DNAH9: variants seen among roughly 807,000 people sequenced by gnomAD.
DNAH9 encodes dynein axonemal heavy chain 9, also known as DNAH9 variant protein.
In DNAH9, 345 loss-of-function variants were observed where a neutral mutation model predicts 471.6. That is an observed-to-expected ratio of 0.73 (90% CI 0.67 to 0.80). DNAH9 has a LOEUF of 0.80. Among genes scored for constraint, DNAH9 ranks in the 30% least tolerant of loss-of-function variants. The pLI, the probability that DNAH9 is intolerant of heterozygous loss-of-function variation, is 0.00. For missense variants in DNAH9, 5,407 were observed against 5,609.2 expected (o/e 0.96, Z 1.15); for synonymous variants, 2,093 against 2,123.6 (o/e 0.99, Z 0.40).
chr17:11,885,546 C>G (rs913828540), intron 56 of DNAH9, among the ~76,000 whole-genome samples: 9 of 151,988 alleles, frequency 5.9e-5, no homozygotes, highest in African/African-American at 2.2e-4. Flanking sequence ...TTCTTTTCAA[C>G]TCCAGTCTAT....
intron 1 of DNAH9, among the ~76,000 whole-genome samples, chr17:11,605,082 A>G (rs910936091): frequency 2.0e-5 from 3 of 151,992 alleles, no homozygotes; most frequent in African/African-American, 7.3e-5. Flanking sequence ...TTGCTTCCAC[A>G]CTGCTCCTTG....
intron 28 of DNAH9, 28 bp from the exon 29 acceptor site, chr17:11,738,852 A>T: frequency 6.2e-7 from 1 of 1,610,488 alleles, no homozygotes; most frequent in Non-Finnish European, 8.5e-7. Context: ...CAATTGAGGA[A>T]TTTCTCGCTG....
intron 41 of DNAH9, among the ~76,000 whole-genome samples, chr17:11,786,085 GA>G (rs35183367): frequency 4.8e-4 from 72 of 150,314 alleles, no homozygotes; most frequent in African/African-American, 1.7e-3. Flanking sequence ...TTTTTCAAAT[GA>G]AAAAAAAAAG....
intron 28 of DNAH9, among the ~76,000 whole-genome samples, chr17:11,728,491 A>G (rs1215922643): frequency 6.7e-6 from 1 of 149,126 alleles, no homozygotes; most frequent in Admixed American, 6.7e-5. Context: ...AAGACAGGTG[A>G]AGTTTCCCAG....
intron 50 of DNAH9, among the ~76,000 whole-genome samples, chr17:11,856,166 G>A (rs1042869573): frequency 3.3e-5 from 5 of 152,070 alleles, no homozygotes; most frequent in African/African-American, 9.7e-5. Flanking sequence ...ACTCAATCAC[G>A]GCTGTGATCA....
chr17:11,960,361 G>A (rs1051535670), intron 67 of DNAH9, among the ~76,000 whole-genome samples: 32 of 149,282 alleles, frequency 2.1e-4, no homozygotes, highest in African/African-American at 6.4e-4. Context: ...CCTTGAGCTC[G>A]GGAGGCAGAG....
intron 2 of DNAH9, among the ~76,000 whole-genome samples, chr17:11,608,841 G>A (rs2072565782): frequency 6.6e-6 from 1 of 152,062 alleles, no homozygotes; most frequent in Non-Finnish European, 1.5e-5. Context: ...GCTTTGTTGG[G>A]ACCTGGCTTT....
At chr17:11,823,547 A>G (rs569886327) in intron 48 of DNAH9, among the ~76,000 whole-genome samples, 1 of 152,196 alleles carries the variant, frequency 6.6e-6, no homozygotes, top group African/African-American at 2.4e-5. Context: ...TCAAAGAGCC[A>G]TTGGAACCTC....
At chr17:11,853,848 C>T (rs1971522411) in intron 49 of DNAH9, among the ~76,000 whole-genome samples, 155 bp from the exon 50 acceptor site, 1 of 152,146 alleles carries the variant, frequency 6.6e-6, no homozygotes, top group African/African-American at 2.4e-5. Flanking sequence ...CTTTGGTTTC[C>T]TTTTGATGAG....
intron 28 of DNAH9, among the ~76,000 whole-genome samples, chr17:11,728,534 AAAAAAC>A (rs869055066): frequency 1.5e-5 from 1 of 65,604 alleles, no homozygotes. Context: ...CCTAAAAAAA[AAAAAAC>A]AAAAAAAACT....
At chr17:11,808,043 GTGAATGACTTC>G (rs1372377287) in intron 44 of DNAH9, 149 bp downstream of exon 44, 2 of 980,566 alleles carry the variant, frequency 2.0e-6, no homozygotes, top group African/African-American at 3.3e-5. Flanking sequence ...GGCTGGTGAT[GTGAATGACTTC>G]TCATTAGACT....
At chr17:11,905,217 A>G (rs1472070018) in intron 60 of DNAH9, among the ~76,000 whole-genome samples, 1 of 141,350 alleles carries the variant, frequency 7.1e-6, no homozygotes, top group Non-Finnish European at 1.6e-5. Context: ...CTGGGGACAG[A>G]GCGAGAATCC....
chr17:11,874,705 C>T (rs1029178905), intron 52 of DNAH9, among the ~76,000 whole-genome samples: 4 of 151,468 alleles, frequency 2.6e-5, no homozygotes, highest in Non-Finnish European at 5.9e-5. Flanking sequence ...TACCGAAAAA[C>T]AAAGAATCAG....
intron 49 of DNAH9, among the ~76,000 whole-genome samples, chr17:11,843,657 A>G (rs1297534260): frequency 6.6e-6 from 1 of 151,534 alleles, no homozygotes; most frequent in African/African-American, 2.4e-5. Flanking sequence ...GTTCAATAAT[A>G]TAAAGTTAGC....
intron 35 of DNAH9, among the ~76,000 whole-genome samples, chr17:11,762,457 C>T (rs1303500037): frequency 5.3e-5 from 8 of 152,102 alleles, no homozygotes; most frequent in East Asian, 3.9e-4. Flanking sequence ...CTGCATGAGG[C>T]ATAGGATGTC....
At chr17:11,621,783 T>C (rs1597397849) in intron 6 of DNAH9, among the ~76,000 whole-genome samples, 1 of 151,962 alleles carries the variant, frequency 6.6e-6, no homozygotes. Flanking sequence ...CTGACTGCTA[T>C]CAGAAAAGTG....
chr17:11,917,216 C>T (rs1264504052), intron 61 of DNAH9, among the ~76,000 whole-genome samples: 6 of 152,060 alleles, frequency 3.9e-5, no homozygotes, highest in African/African-American at 9.7e-5. Context: ...TGCAATGGCA[C>T]GATCTCAGCT....
intron 49 of DNAH9, among the ~76,000 whole-genome samples, chr17:11,852,167 CTTTG>C (rs1483523095): frequency 6.6e-6 from 1 of 152,152 alleles, no homozygotes; most frequent in African/African-American, 2.4e-5. Flanking sequence ...AAATAATTCT[CTTTG>C]TTTGTGGATC....
At chr17:11,808,352 G>A (rs1468446842) in intron 44 of DNAH9, among the ~76,000 whole-genome samples, 1 of 152,132 alleles carries the variant, frequency 6.6e-6, no homozygotes, top group East Asian at 1.9e-4. Flanking sequence ...TGAGTACTCT[G>A]GAAAGTAAAG....
Sources: gnomAD v4.1 joint callset for allele counts (sites outside exome capture counted in the v4.1 genomes callset) on GRCh38, gnomAD v4.1.1 for gene constraint, MANE v1.5 for transcripts, NCBI Gene and HGNC (gene_info 2026-07-23, HGNC 2026-07-21) for gene names.